XYLT1: variants seen among roughly 807,000 people sequenced by gnomAD.
XYLT1 encodes the protein beta-D-xylosyltransferase 1.
Under a neutral mutation model 91.3 loss-of-function variants are expected in XYLT1, and 36 were observed. The ratio of observed to expected loss-of-function variants is 0.39; its 90% CI spans 0.30 to 0.52. The LOEUF is 0.52. XYLT1 is among the 20% of genes least tolerant of loss of function. The pLI is 0.68. For synonymous variants in XYLT1, 588 were observed against 532.0 expected (o/e 1.11, Z -1.45); for missense variants, 1,242 against 1,284.5 (o/e 0.97, Z 0.51).
intron 3 of XYLT1, among the ~76,000 whole-genome samples, chr16:17,229,980 T>C (rs907948690): frequency 6.6e-6 from 1 of 152,160 alleles, no homozygotes; most frequent in South Asian, 2.1e-4. Context: ...CACGTGCTGA[T>C]AGAGGCAGGG....
At chr16:17,267,678 G>T (rs1388344278) in intron 2 of XYLT1, among the ~76,000 whole-genome samples, 1 of 152,228 alleles carries the variant, frequency 6.6e-6, no homozygotes, top group Non-Finnish European at 1.5e-5. Flanking sequence ...CAAAGTGCTG[G>T]GATTACAGGC....
chr16:17,163,939 G>A (rs560708510), intron 5 of XYLT1, among the ~76,000 whole-genome samples: 41 of 148,666 alleles, frequency 2.8e-4, no homozygotes, highest in African/African-American at 1.0e-3. Flanking sequence ...ATCCCAGGCT[G>A]AGGCAGGAGA....
intron 5 of XYLT1, among the ~76,000 whole-genome samples, chr16:17,174,271 T>C (rs2031891487): frequency 6.6e-6 from 1 of 152,234 alleles, no homozygotes. Flanking sequence ...AGAGTCATTG[T>C]AATACTGAAA....
rs557033934 is a variant in XYLT1 at position 17,375,658 on chromosome 16, G to C, written c.364-17608C>G. On this transcript the variant is annotated intron_variant, in intron 1 of 11. Transcript: ENST00000261381. ...AGATTTGATAAGGCTGGTCAAGTTC[G>C]GTGCTCAAGAGCAGTCCATGATCCA... Among the ~76,000 whole-genome samples the C allele has an allele frequency of 4.5e-4, 68 of 152,324 alleles. 2 individuals are homozygous for C. In the South Asian group the frequency reaches 0.013, roughly 29 times the overall value.
At chr16:17,112,479 A>G (rs1053341154) in intron 11 of XYLT1, among the ~76,000 whole-genome samples, 1 of 152,038 alleles carries the variant, frequency 6.6e-6, no homozygotes. Context: ...TCAGGACCCC[A>G]TGAATGGCCC....
At chr16:17,164,620 C>T (rs2031635719) in intron 5 of XYLT1, among the ~76,000 whole-genome samples, 1 of 152,164 alleles carries the variant, frequency 6.6e-6, no homozygotes, top group African/African-American at 2.4e-5. Context: ...TGGAATTGTA[C>T]AGGATTTGTG....
intron 2 of XYLT1, among the ~76,000 whole-genome samples, chr16:17,352,644 C>T (rs2035237889): frequency 6.6e-6 from 1 of 152,188 alleles, no homozygotes; most frequent in Non-Finnish European, 1.5e-5. Context: ...GAAGCTCAAA[C>T]CTCATCTCTC....
chr16:17,138,385 G>A lies in XYLT1; in HGVS notation c.1734C>T (p.Asp578=), dbSNP rs376245484. 2 of 1,613,968 alleles carry A rather than the reference G, an allele frequency of 1.2e-6. No homozygotes were observed. Among genetic ancestry groups the A allele is most frequent in the Admixed American group, 3.3e-5 (2 of 60,008 alleles). ...AGCGGTGGAAGTCCTGCGGCTTGAA[G>A]TCATTGGGGGAGCAGCCGCACCAGT... is the stretch of plus-strand genomic sequence containing the variant. ...IVDWCGCSPN[D]FKPQDFHRFQ... The change falls in exon 8 of 12, where the codon GAC becomes GAT. Residue 578 remains aspartate, a synonymous_variant. Transcript: ENST00000261381.
At chr16:17,395,022 G>GA (rs1425403463) in intron 1 of XYLT1, among the ~76,000 whole-genome samples, 1 of 152,156 alleles carries the variant, frequency 6.6e-6, no homozygotes, top group East Asian at 1.9e-4. Flanking sequence ...AATTTATAAA[G>GA]AAAAGAGGTT....
chr16:17,231,549 G>A (rs961796171), intron 3 of XYLT1, among the ~76,000 whole-genome samples: 9 of 152,172 alleles, frequency 5.9e-5, no homozygotes, highest in African/African-American at 1.9e-4. Context: ...GATACATTCC[G>A]AGGAGTGGAT....
chr16:17,157,150 G>A (rs1438799229), intron 6 of XYLT1, among the ~76,000 whole-genome samples: 1 of 152,100 alleles, frequency 6.6e-6, no homozygotes, highest in South Asian at 2.1e-4. Context: ...GTTTTACCAT[G>A]TTGGCCAGGC....
intron 3 of XYLT1, among the ~76,000 whole-genome samples, chr16:17,219,993 C>A (rs912674975): frequency 6.6e-6 from 1 of 152,168 alleles, no homozygotes; most frequent in Non-Finnish European, 1.5e-5. Context: ...AGAGGAAGCT[C>A]ATTTTAAACA....
chr16:17,321,850 C>G (rs369356504), intron 2 of XYLT1, among the ~76,000 whole-genome samples: 1 of 152,142 alleles, frequency 6.6e-6, no homozygotes, highest in East Asian at 1.9e-4. Context: ...AATGACTTAT[C>G]CAGCCCCAAA....
At chr16:17,120,097 C>A (rs1597132227) in intron 10 of XYLT1, among the ~76,000 whole-genome samples, 1 of 152,190 alleles carries the variant, frequency 6.6e-6, no homozygotes, top group East Asian at 1.9e-4. Context: ...TTTTCTACTA[C>A]CCTGTGGATC....
At chr16:17,197,889 C>A (rs1211928366) in intron 5 of XYLT1, 1 of 316,194 alleles carries the variant, frequency 3.2e-6, no homozygotes, top group Non-Finnish European at 5.9e-6. Context: ...ATAAACTCCT[C>A]TTTATATATA....
chr16:17,322,293 C>T (rs1054152081), intron 2 of XYLT1, among the ~76,000 whole-genome samples: 1 of 152,206 alleles, frequency 6.6e-6, no homozygotes, highest in Admixed American at 6.5e-5. Context: ...GCTCACACCT[C>T]CTAAGCCTCA....
chr16:17,430,225 G>A lies in XYLT1; in HGVS notation c.363+40209C>T, dbSNP rs184961006. 8.5e-5 allele frequency among the ~76,000 whole-genome samples: 13 copies of A among 152,208 alleles called. No individual in the cohort carries two copies. In the East Asian group the frequency reaches 2.3e-3, roughly 27 times the overall value. On this transcript the variant is annotated intron_variant, in intron 1 of 11. Coordinates refer to ENST00000261381, the MANE Select transcript of XYLT1 (RefSeq NM_022166.4). ...GTGCTGGGATTATAATACACAGGTT[G>A]AGCATCCCTAACCCAATCATCTGAA...
At chr16:17,427,744 G>A (rs897139379) in intron 1 of XYLT1, among the ~76,000 whole-genome samples, 10 of 151,958 alleles carry the variant, frequency 6.6e-5, no homozygotes, top group Middle Eastern at 6.8e-3. Context: ...TCTTACATTC[G>A]TGTTTTAAAA....
chr16:17,364,327 G>A (rs1296458709), intron 1 of XYLT1, among the ~76,000 whole-genome samples: 1 of 152,148 alleles, frequency 6.6e-6, no homozygotes, highest in African/African-American at 2.4e-5. Flanking sequence ...AATTATACAA[G>A]CTTAACAGGT....
Sources: allele counts gnomAD v4.1 joint callset (sites outside exome capture counted in the v4.1 genomes callset), GRCh38; gene constraint gnomAD v4.1.1; transcripts MANE v1.5; gene names NCBI Gene and HGNC (gene_info 2026-07-23, HGNC 2026-07-21).